The following VCF1 variants were observed in gnomAD, a reference collection of about 807,000 sequenced individuals.
VCF1 encodes the protein protein VCF1.
the VCF1 span, among the ~76,000 whole-genome samples, chr17:73,225,900 T>TATATATATAATATATATATATATATATA: frequency 2.6e-5 from 2 of 77,898 alleles, no homozygotes; most frequent in Non-Finnish European, 4.4e-5. Context: ...TATATATATA[T>TATATATATAATATATATATATATATATA]TTTTTTTTTT....
At chr17:73,207,919 T>G in the VCF1 span, 7 of 1,187,424 alleles carry the variant, frequency 5.9e-6, no homozygotes, top group Non-Finnish European at 7.4e-6. Flanking sequence ...CTTTAAAAGT[T>G]GGGAGATGGT....
the VCF1 span, among the ~76,000 whole-genome samples, chr17:73,224,995 G>GCACAGCACAGCACAGC: frequency 4.0e-4 from 24 of 59,456 alleles, no homozygotes; most frequent in Non-Finnish European, 6.4e-4. Flanking sequence ...CACAGCACAG[G>GCACAGCACAGCACAGC]ACAGGACAGG....
At chr17:73,218,420 C>T in the VCF1 span, among the ~76,000 whole-genome samples, 2 of 152,210 alleles carry the variant, frequency 1.3e-5, no homozygotes, top group Non-Finnish European at 2.9e-5. Context: ...TAAGGTGAAA[C>T]TGGACCACAC....
the VCF1 span, among the ~76,000 whole-genome samples, chr17:73,216,701 G>T: frequency 6.6e-6 from 1 of 152,200 alleles, no homozygotes; most frequent in Non-Finnish European, 1.5e-5. Context: ...TTTGGCAGAA[G>T]GGCTAGATAT....
At chr17:73,208,511 G>C in the VCF1 span, 3 of 1,576,316 alleles carry the variant, frequency 1.9e-6, no homozygotes, top group African/African-American at 4.0e-5. Flanking sequence ...TTCTAAAGGT[G>C]CCTCTGCTCA....
the VCF1 span, chr17:73,207,986 T>TG: frequency 7.9e-7 from 1 of 1,270,542 alleles, no homozygotes; most frequent in African/African-American, 1.5e-5. Context: ...GCATGGGCTA[T>TG]GTTGCAGCCT....
chr17:73,215,875 G>A, the VCF1 span, among the ~76,000 whole-genome samples: 4 of 152,170 alleles, frequency 2.6e-5, no homozygotes, highest in South Asian at 2.1e-4. Context: ...TGGTGTCTCA[G>A]CTGGGCCCAG....
chr17:73,220,035 C>T, the VCF1 span, among the ~76,000 whole-genome samples: 1 of 151,620 alleles, frequency 6.6e-6, no homozygotes, highest in Non-Finnish European at 1.5e-5. Context: ...CTACAGGGTT[C>T]TAAACACACA....
At chr17:73,221,177 A>G in the VCF1 span, among the ~76,000 whole-genome samples, 1 of 54,930 alleles carries the variant, frequency 1.8e-5, no homozygotes, top group Non-Finnish European at 3.2e-5. Context: ...GATTGCAGGC[A>G]TGAGCCACCG....
the VCF1 span, among the ~76,000 whole-genome samples, chr17:73,224,895 G>A: frequency 8.2e-6 from 1 of 121,362 alleles, no homozygotes. Context: ...CACAGGACAG[G>A]ACAGGACAGG....
At chr17:73,208,213 TTG>T in the VCF1 span, 3 of 1,598,960 alleles carry the variant, frequency 1.9e-6, no homozygotes, top group African/African-American at 2.7e-5. Context: ...TCAGCTCCGC[TTG>T]TGTGTGCCGT....
the VCF1 span, chr17:73,229,667 A>G: frequency 8.7e-6 from 6 of 692,720 alleles, no homozygotes; most frequent in Non-Finnish European, 1.1e-5. Context: ...GGAGTTCGAA[A>G]CCAGCCTGGC....
the VCF1 span, chr17:73,232,307 G>A: frequency 1.3e-6 from 2 of 1,575,988 alleles, no homozygotes; most frequent in African/African-American, 1.4e-5. Flanking sequence ...GCCCCCCCAT[G>A]TCGCTGCCGC....
At chr17:73,218,613 G>A in the VCF1 span, among the ~76,000 whole-genome samples, 1 of 152,094 alleles carries the variant, frequency 6.6e-6, no homozygotes, top group Non-Finnish European at 1.5e-5. Context: ...TGCCGGGCGC[G>A]GTGGCTCACG....
chr17:73,223,945 C>T, the VCF1 span, among the ~76,000 whole-genome samples: 2 of 151,040 alleles, frequency 1.3e-5, no homozygotes, highest in Non-Finnish European at 1.5e-5. Flanking sequence ...CATTCCACTG[C>T]ACTCAGCTTG....
chr17:73,227,683 G>C, the VCF1 span: 1 of 985,882 alleles, frequency 1.0e-6, no homozygotes, highest in Non-Finnish European at 1.2e-6. Context: ...AAGAGTGGCT[G>C]CCTTTGCCTA....
chr17:73,227,018 C>G, the VCF1 span: 1 of 553,304 alleles, frequency 1.8e-6, no homozygotes, highest in Non-Finnish European at 3.0e-6. Flanking sequence ...CTCAAAGGGA[C>G]CCTGATTTGG....
At chr17:73,229,094 T>C in the VCF1 span, 5 of 969,446 alleles carry the variant, frequency 5.2e-6, no homozygotes, top group East Asian at 2.3e-4. Context: ...GATGATTTTG[T>C]GGATTTCAAC....
At chr17:73,218,726 A>T in the VCF1 span, among the ~76,000 whole-genome samples, 2 of 152,082 alleles carry the variant, frequency 1.3e-5, no homozygotes, top group Non-Finnish European at 2.9e-5. Context: ...CTCTACTAAA[A>T]ATACAAAAAA....
Sources: allele counts gnomAD v4.1 joint callset (sites outside exome capture counted in the v4.1 genomes callset), GRCh38; gene constraint gnomAD v4.1.1; transcripts MANE v1.5; gene names NCBI Gene and HGNC (gene_info 2026-07-23, HGNC 2026-07-21).